EEF1G: variants seen among roughly 807,000 people sequenced by gnomAD.
EEF1G encodes elongation factor 1-gamma.
A neutral mutation model predicts 58.3 loss-of-function variants in EEF1G; 14 were observed. That is an observed-to-expected ratio of 0.24 (90% CI 0.16 to 0.38). The LOEUF (loss-of-function observed/expected upper bound fraction) is 0.38, where lower values mean the gene tolerates loss of function less well. Ranked by LOEUF, EEF1G falls within the 10% of genes least tolerant of loss-of-function variation. The pLI is 1.00. For synonymous variants in EEF1G, 180 were observed against 206.8 expected (o/e 0.87, Z 1.11); for missense variants, 322 against 550.1 (o/e 0.59, Z 4.15).
chr11:62,565,752 T>C (rs1477766014), intron 7 of EEF1G, among the ~76,000 whole-genome samples: 1 of 152,222 alleles, frequency 6.6e-6, no homozygotes, highest in East Asian at 1.9e-4. Flanking sequence ...TGTGTCTGGA[T>C]GGAGCCTTCC....
At chr11:62,560,826 C>T (rs1240103965) in intron 7 of EEF1G, among the ~76,000 whole-genome samples, 1 of 152,058 alleles carries the variant, frequency 6.6e-6, no homozygotes, top group Non-Finnish European at 1.5e-5. Context: ...CAAGTCTCTT[C>T]CCCCCCACCA....
chr11:62,568,045 C>T lies in EEF1G; in HGVS notation c.523-517G>A, dbSNP rs549156079. ...GAGATCGAGACCATCCTGGCTAACA[C>T]GGTGAACCCCCATCTCTCCTAAAAA... On this transcript the variant is annotated intron_variant, in intron 5 of 9. Transcript: ENST00000329251. Among the ~76,000 whole-genome samples, 16 of 151,002 alleles carry T rather than the reference C, an allele frequency of 1.1e-4. No individual in the cohort carries two copies. In the East Asian group the frequency reaches 1.2e-3, roughly 11 times the overall value.
chr11:62,571,532 A>C lies in EEF1G; in HGVS notation c.378+8T>G. 1 of 1,594,216 alleles carries C rather than the reference A, an allele frequency of 6.3e-7. No individual in the cohort carries two copies. The highest frequency in any genetic ancestry group is 8.5e-7 in the Non-Finnish European group (1 of 1,169,874). On this transcript the variant is annotated splice_region_variant and intron_variant, in intron 4 of 9. Coordinates refer to ENST00000329251, the MANE Select transcript of EEF1G (RefSeq NM_001404.5). ...GCCCCTGGCTTCTCTCAAAGTTCCA[A>C]GGCTCACCTGTTTGTTGTGGTGCAT...
At chr11:62,567,168 C>G (rs986582508) in intron 6 of EEF1G, 158 bp from the exon 7 acceptor site, 1 of 920,430 alleles carries the variant, frequency 1.1e-6, no homozygotes, top group African/African-American at 1.7e-5. Flanking sequence ...GTGTGTCCTC[C>G]AGCAACAACA....
At position 62,570,883 on chromosome 11, in the gene EEF1G, A is replaced by C. The variant is rs1173984054; in HGVS notation, c.522+82T>G. 1.9e-6 allele frequency: 3 copies of C among 1,586,580 alleles called. No individual in the cohort carries two copies. In the Admixed American group the frequency reaches 5.0e-5, roughly 27 times the overall value. On this transcript the variant is annotated intron_variant, in intron 5 of 9. Coordinates refer to ENST00000329251, the MANE Select transcript of EEF1G (RefSeq NM_001404.5). Reference sequence around the variant, plus strand: ...AGCTGTTTTCCAAGTCCTCAGCAGAATACAGGGTAACCTAGATACCTCGTC... The same window carrying C: ...AGCTGTTTTCCAAGTCCTCAGCAGACTACAGGGTAACCTAGATACCTCGTC...
intron 9 of EEF1G, 52 bp from the exon 10 acceptor site, chr11:62,559,889 C>T: frequency 1.2e-6 from 2 of 1,612,902 alleles, no homozygotes; most frequent in South Asian, 1.1e-5. Flanking sequence ...CACCCCACAC[C>T]TGTGTTACTT....
Position 62,559,775 on chromosome 11 carries a change from G to C in EEF1G, c.1218C>G (p.Ser406Arg). Residue 406 changes from serine to arginine, a missense_variant, in exon 10 of 10, where the codon AGC (serine) becomes AGG (arginine). By Grantham distance (110) the Ser-to-Arg change is moderately radical (BLOSUM62 -1). This residue lies in a region of EEF1G where 208 missense variants were observed against 323.7 expected (regional missense o/e 0.64). Transcript: ENST00000329251. ...CTCGAACCAGCGTCTGGGTCTCCTC[G>C]CTGCCAGGATCCAGTTTCCGCCATG... ...SYTWRKLDPG[S>R]EETQTLVREY... The C allele has an allele frequency of 6.2e-7, 1 of 1,613,892 alleles. No homozygotes were observed. The highest frequency in any genetic ancestry group is 8.5e-7 in the Non-Finnish European group (1 of 1,179,874).
At chr11:62,563,994 G>A (rs2134291451) in intron 7 of EEF1G, among the ~76,000 whole-genome samples, 1 of 152,356 alleles carries the variant, frequency 6.6e-6, no homozygotes, top group African/African-American at 2.4e-5. Flanking sequence ...AAGTGCAGGG[G>A]CACGATCATG....
Position 62,571,235 on chromosome 11 carries a change from G to A in EEF1G, c.379-127C>T, listed in dbSNP as rs189045620. The A allele has an allele frequency of 6.9e-5, 99 of 1,428,034 alleles. 3 individuals carry two copies. The South Asian group carries it at 1.1e-3, about 17-fold the overall frequency. 88.5% of individuals were successfully genotyped at this position (1,428,034 alleles called of 1,614,324 possible). On this transcript the variant is annotated intron_variant, in intron 4 of 9. Transcript: ENST00000329251. ...AGCTCACCCTCACTCTCTTTCAATG[G>A]AGGCAGATCCTAGGGTCATTCTAAA...
At chr11:62,571,241 G>T in intron 4 of EEF1G, 133 bp from the exon 5 acceptor site, 2 of 1,381,244 alleles carry the variant, frequency 1.4e-6, no homozygotes, top group Non-Finnish European at 2.0e-6. Context: ...AATGGAGGCA[G>T]ATCCTAGGGT....
chr11:62,569,089 A>G (rs368530243), intron 5 of EEF1G, among the ~76,000 whole-genome samples: 11 of 149,956 alleles, frequency 7.3e-5, no homozygotes, highest in African/African-American at 2.8e-4. Context: ...ACACACGCAC[A>G]CACACACACA....
chr11:62,572,475 A>C (rs1262752527), intron 2 of EEF1G, 109 bp downstream of exon 2: 1 of 1,422,460 alleles, frequency 7.0e-7, no homozygotes, highest in Non-Finnish European at 9.6e-7. Context: ...AAATTGAATA[A>C]AACAACATGG....
intron 4 of EEF1G, 74 bp downstream of exon 4, chr11:62,571,461 CTATTT>C: frequency 6.7e-7 from 1 of 1,483,786 alleles, no homozygotes; most frequent in Non-Finnish European, 9.0e-7. Flanking sequence ...TTTTTTCAAC[CTATTT>C]TATTTCTTAC....
intron 6 of EEF1G, 60 bp from the exon 7 acceptor site, chr11:62,567,070 A>G: frequency 6.4e-7 from 1 of 1,560,226 alleles, no homozygotes; most frequent in Non-Finnish European, 8.8e-7. Flanking sequence ...CACCCCTCCA[A>G]AACCACACAG....
At chr11:62,572,990 G>T (rs1941654531) in intron 1 of EEF1G, 1 of 330,080 alleles carries the variant, frequency 3.0e-6, no homozygotes, top group African/African-American at 2.1e-5. Context: ...GACACCTCTG[G>T]AAGTATTCTC....
chr11:62,560,477 G>T, intron 7 of EEF1G, 23 bp from the exon 8 acceptor site: 1 of 1,604,372 alleles, frequency 6.2e-7, no homozygotes, highest in Non-Finnish European at 8.5e-7. Flanking sequence ...AAGCACAGGG[G>T]TCAATCAATA....
intron 7 of EEF1G, among the ~76,000 whole-genome samples, chr11:62,562,538 G>A (rs995018845): frequency 1.2e-4 from 19 of 152,124 alleles, no homozygotes; most frequent in African/African-American, 4.3e-4. Flanking sequence ...CTGGAATGCA[G>A]TGGTGCGATC....
At chr11:62,566,424 C>T (rs1941556476) in intron 7 of EEF1G, among the ~76,000 whole-genome samples, 1 of 152,230 alleles carries the variant, frequency 6.6e-6, no homozygotes, top group South Asian at 2.1e-4. Context: ...TCCGCACAGC[C>T]GGGCGCGTGG....
At chr11:62,567,727 CAG>C (rs1941573696) in intron 5 of EEF1G, among the ~76,000 whole-genome samples, 199 bp from the exon 6 acceptor site, 1 of 144,488 alleles carries the variant, frequency 6.9e-6, no homozygotes, top group African/African-American at 2.5e-5. Context: ...TTTTTTGAGA[CAG>C]AGTCTCACTC....
Sources: gnomAD v4.1 joint callset for allele counts (sites outside exome capture counted in the v4.1 genomes callset) on GRCh38, gnomAD v4.1.1 for gene constraint, gnomAD v4.1.1 regional missense constraint, MANE v1.5 for transcripts, NCBI Gene and HGNC (gene_info 2026-07-23, HGNC 2026-07-21) for gene names.